Variants in ECT2 observed in about 807,000 individuals in gnomAD.
ECT2 encodes epithelial cell transforming 2, also known as protein ECT2.
ECT2 carries 61 observed loss-of-function variants against 116.9 expected under a neutral mutation model. The ratio of observed to expected loss-of-function variants is 0.52; its 90% CI spans 0.42 to 0.65. The LOEUF is 0.65. Ranked by LOEUF, ECT2 falls within the 30% of genes least tolerant of loss-of-function variation. ECT2 has a pLI of 0.00. For synonymous variants in ECT2, 358 were observed against 346.4 expected (o/e 1.03, Z -0.37); for missense variants, 937 against 1,078.7 (o/e 0.87, Z 1.84).
At chr3:172,805,643 T>A (rs973024999) in intron 20 of ECT2, 88 bp from the exon 21 acceptor site, 20 of 1,259,914 alleles carry the variant, frequency 1.6e-5, no homozygotes, top group East Asian at 2.5e-5. Flanking sequence ...ATATATAGAT[T>A]TATGTGATTA....
At chr3:172,767,593 G>A (rs6766780) in intron 12 of ECT2, among the ~76,000 whole-genome samples, 9,324 of 152,036 alleles carry the variant, frequency 0.061, 970 homozygotes, top group African/African-American at 0.21. Flanking sequence ...TCCTTTTCCT[G>A]TTGAAAAACT....
At chr3:172,811,291 C>T (rs959144300) in intron 22 of ECT2, among the ~76,000 whole-genome samples, 5 of 152,062 alleles carry the variant, frequency 3.3e-5, no homozygotes, top group African/African-American at 7.2e-5. Flanking sequence ...TAAGTTTCCC[C>T]GACTTTGCAC....
intron 4 of ECT2, among the ~76,000 whole-genome samples, chr3:172,756,254 A>C (rs1716957800): frequency 6.6e-6 from 1 of 152,216 alleles, no homozygotes; most frequent in Admixed American, 6.5e-5. Flanking sequence ...TAGCCTTGCA[A>C]ATAAAATTCA....
chr3:172,776,864 A>C (rs952742890), intron 14 of ECT2, among the ~76,000 whole-genome samples: 2 of 150,824 alleles, frequency 1.3e-5, no homozygotes, highest in Non-Finnish European at 3.0e-5. Context: ...TAGTGGAAAA[A>C]ACGGGTTTGT....
intron 23 of ECT2, 129 bp downstream of exon 23, chr3:172,815,840 A>G: frequency 1.6e-6 from 1 of 641,084 alleles, no homozygotes; most frequent in Non-Finnish European, 2.7e-6. Flanking sequence ...GTTCTAGGAA[A>G]TGACCCACAG....
At chr3:172,768,952 T>C (rs1285053596) in intron 12 of ECT2, 55 bp from the exon 13 acceptor site, 3 of 1,482,022 alleles carry the variant, frequency 2.0e-6, no homozygotes, top group Non-Finnish European at 2.7e-6. Flanking sequence ...GTCTACATAA[T>C]GTTTGGTATT....
chr3:172,763,408 C>T (rs1470974564), intron 11 of ECT2, among the ~76,000 whole-genome samples: 1 of 152,006 alleles, frequency 6.6e-6, no homozygotes, highest in Non-Finnish European at 1.5e-5. Context: ...TCGTTAGAAC[C>T]CCAATTGGGA....
At chr3:172,812,174 G>A (rs1728882442) in intron 22 of ECT2, among the ~76,000 whole-genome samples, 1 of 152,174 alleles carries the variant, frequency 6.6e-6, no homozygotes, top group South Asian at 2.1e-4. Flanking sequence ...AGTAGAGACG[G>A]GGTTTCACCG....
At chr3:172,824,882 AAAAC>A (rs201626273), downstream of ECT2, among the ~76,000 whole-genome samples, 289 of 111,572 alleles carry the variant, frequency 2.6e-3, 3 homozygotes, top group East Asian at 0.015. Context: ...CATAATTTGC[AAAAC>A]AAACAAAAAA....
chr3:172,800,333 ACT>A (rs1726490869), intron 18 of ECT2, among the ~76,000 whole-genome samples: 1 of 152,032 alleles, frequency 6.6e-6, no homozygotes, highest in East Asian at 1.9e-4. Flanking sequence ...ACCTGCTATG[ACT>A]CTGACTAGTT....
intron 13 of ECT2, chr3:172,771,174 T>C (rs976770108): frequency 4.6e-5 from 7 of 152,172 alleles, no homozygotes; most frequent in African/African-American, 1.7e-4. Context: ...TTGCAAAAGT[T>C]ATTAGATTAG....
At chr3:172,792,190 T>A (rs1724795823) in intron 18 of ECT2, among the ~76,000 whole-genome samples, 1 of 152,094 alleles carries the variant, frequency 6.6e-6, no homozygotes, top group Middle Eastern at 3.2e-3. Flanking sequence ...CCATAACAGA[T>A]AAAATAATAA....
chr3:172,829,018 T>A, the ECT2 span: 3 of 882,848 alleles, frequency 3.4e-6, no homozygotes, highest in East Asian at 2.5e-5. Flanking sequence ...CTGGAACTCC[T>A]GTCTGGCCAC....
intron 4 of ECT2, among the ~76,000 whole-genome samples, chr3:172,756,154 A>C (rs1207155902): frequency 6.6e-6 from 1 of 152,130 alleles, no homozygotes; most frequent in Non-Finnish European, 1.5e-5. Flanking sequence ...CCTTATCGCC[A>C]AATATAGTCA....
At chr3:172,771,945 T>C (rs191393750) in intron 13 of ECT2, among the ~76,000 whole-genome samples, 112 of 152,192 alleles carry the variant, frequency 7.4e-4, no homozygotes, top group African/African-American at 2.6e-3. Context: ...TAACTGTTCG[T>C]GTTTTTTGCC....
chr3:172,783,114 C>T (rs985438193), intron 15 of ECT2, among the ~76,000 whole-genome samples: 1 of 152,086 alleles, frequency 6.6e-6, no homozygotes, highest in Non-Finnish European at 1.5e-5. Flanking sequence ...GGATAAGAAC[C>T]ACACAACTTA....
In ECT2 at chr3:172,764,515, TAAA is replaced by T; in HGVS notation, c.1291+18_1291+20del. The T allele has an allele frequency of 6.2e-7, 1 of 1,602,518 alleles. No homozygotes were observed. Among genetic ancestry groups the T allele is most frequent in the Non-Finnish European group, 8.5e-7 (1 of 1,170,004 alleles). ...TAACTATGGAGGTAATTCACATTCT[TAAA>T]AACTTGTCTTTAAAGTTTAGTGGAA... is the stretch of plus-strand genomic sequence containing the variant. On this transcript the variant is annotated intron_variant, in intron 12 of 24. Coordinates refer to ENST00000392692, the MANE Select transcript of ECT2 (RefSeq NM_001258315.2).
Position 172,778,588 on chromosome 3 carries a change from C to CTTTT in ECT2, c.1549-3553_1549-3550dup, listed in dbSNP as rs5854485. 3.4e-3 allele frequency among the ~76,000 whole-genome samples: 203 copies of CTTTT among 59,764 alleles called. 1 individual carries two copies. The highest frequency in any genetic ancestry group is 6.0e-3 in the African/African-American group (100 of 16,744). The allele number at this position is 59,764 out of a possible 152,430, so 39.2% of individuals were successfully genotyped here. ...ACTTAGTTCCTGAGCTATTAGCTAT[C>CTTTT]TTTTTTTTTTTTTTTTTTTTTTTTT... On this transcript the variant is annotated intron_variant, in intron 14 of 24. Transcript: ENST00000392692.
intron 4 of ECT2, among the ~76,000 whole-genome samples, chr3:172,755,996 G>T (rs569137845): frequency 6.6e-6 from 1 of 152,260 alleles, no homozygotes; most frequent in South Asian, 2.1e-4. Flanking sequence ...GAGGCCTCTC[G>T]CCTTGGCTTG....
Sources: gnomAD v4.1 joint callset for allele counts (sites outside exome capture counted in the v4.1 genomes callset) on GRCh38, gnomAD v4.1.1 for gene constraint, MANE v1.5 for transcripts, NCBI Gene and HGNC (gene_info 2026-07-23, HGNC 2026-07-21) for gene names.